Variants in RALGPS2 observed in about 807,000 individuals in gnomAD.
RALGPS2 encodes the protein ras-specific guanine nucleotide-releasing factor RalGPS2.
A neutral mutation model predicts 86.8 loss-of-function variants in RALGPS2; 43 were observed. That is an observed-to-expected ratio of 0.50 (90% CI 0.39 to 0.64). The LOEUF (loss-of-function observed/expected upper bound fraction) is 0.64, where lower values mean the gene tolerates loss of function less well. Among genes scored for constraint, RALGPS2 ranks in the 30% least tolerant of loss-of-function variants. The pLI is 0.00. For missense variants in RALGPS2, 536 were observed against 694.6 expected, an observed-to-expected ratio of 0.77 and a Z score of 2.57; for synonymous variants, 243 against 231.3, an observed-to-expected ratio of 1.05 and a Z score of -0.46.
chr1:178,818,955 C>G (rs1655363301), intron 6 of RALGPS2, among the ~76,000 whole-genome samples: 1 of 151,062 alleles, frequency 6.6e-6, no homozygotes, highest in Non-Finnish European at 1.5e-5. Flanking sequence ...GCAGAAGCTA[C>G]TAGTTCAGCA....
intron 8 of RALGPS2, among the ~76,000 whole-genome samples, chr1:178,841,377 T>C (rs1396163563): frequency 1.0e-4 from 15 of 143,222 alleles, no homozygotes; most frequent in Non-Finnish European, 1.8e-4. Flanking sequence ...ATCCAGCATA[T>C]AAACAGAGCC....
intron 4 of RALGPS2, among the ~76,000 whole-genome samples, chr1:178,789,696 A>C (rs1460662309): frequency 6.6e-6 from 1 of 152,152 alleles, no homozygotes; most frequent in African/African-American, 2.4e-5. Flanking sequence ...GGTGGTATTT[A>C]AAAGTGTGGG....
intron 1 of RALGPS2, among the ~76,000 whole-genome samples, chr1:178,736,556 A>G (rs1437463680): frequency 3.3e-5 from 5 of 152,104 alleles, no homozygotes; most frequent in South Asian, 2.1e-4. Flanking sequence ...CATCCTACCC[A>G]TTCTTTTTGC....
At chr1:178,802,862 C>T (rs906774423) in intron 4 of RALGPS2, among the ~76,000 whole-genome samples, 7 of 152,034 alleles carry the variant, frequency 4.6e-5, no homozygotes, top group African/African-American at 1.2e-4. Flanking sequence ...TATACATTCA[C>T]GCCATCCCTA....
chr1:178,758,027 T>C (rs1652041570), intron 1 of RALGPS2, among the ~76,000 whole-genome samples: 1 of 152,166 alleles, frequency 6.6e-6, no homozygotes, highest in South Asian at 2.1e-4. Context: ...GGGTTGTGAT[T>C]TTTCAGGAAT....
chr1:178,749,004 G>T (rs1042259245), intron 1 of RALGPS2, among the ~76,000 whole-genome samples: 6 of 151,950 alleles, frequency 3.9e-5, no homozygotes, highest in Non-Finnish European at 5.9e-5. Context: ...TGTTTGTTTT[G>T]TTTTTTAAAC....
intron 6 of RALGPS2, among the ~76,000 whole-genome samples, chr1:178,811,800 T>C (rs1654987237): frequency 6.6e-6 from 1 of 152,232 alleles, no homozygotes; most frequent in Non-Finnish European, 1.5e-5. Context: ...AATAAGACTT[T>C]ATTTTTAAGA....
At chr1:178,771,547 CCAGTTCTTCACACA>C (rs764389572) in intron 1 of RALGPS2, among the ~76,000 whole-genome samples, 1 of 151,738 alleles carries the variant, frequency 6.6e-6, no homozygotes, top group Non-Finnish European at 1.5e-5. Flanking sequence ...AAGGGATTGT[CCAGTTCTTCACACA>C]ATATAGTTAC....
At chr1:178,837,909 G>A (rs965961970) in intron 8 of RALGPS2, among the ~76,000 whole-genome samples, 16 of 152,160 alleles carry the variant, frequency 1.1e-4, no homozygotes, top group African/African-American at 3.4e-4. Flanking sequence ...AGGGTGCCAC[G>A]CCCACAGAGC....
intron 8 of RALGPS2, among the ~76,000 whole-genome samples, chr1:178,838,813 C>T (rs1053672483): frequency 5.3e-5 from 8 of 152,096 alleles, no homozygotes; most frequent in Non-Finnish European, 1.2e-4. Flanking sequence ...GTAGAGAAGT[C>T]CTTAAATGAC....
At chr1:178,813,845 AG>A (rs1240538618) in intron 6 of RALGPS2, among the ~76,000 whole-genome samples, 1 of 152,214 alleles carries the variant, frequency 6.6e-6, no homozygotes, top group African/African-American at 2.4e-5. Flanking sequence ...CTTGATTTGT[AG>A]ATGTTAACCG....
intron 13 of RALGPS2, among the ~76,000 whole-genome samples, chr1:178,889,034 G>T (rs1172393703): frequency 6.6e-6 from 1 of 151,796 alleles, no homozygotes; most frequent in Non-Finnish European, 1.5e-5. Context: ...TAGTTTTTTT[G>T]TTGGTTTTTT....
rs142259030 is a variant in RALGPS2, at chr1:178,741,170, A to C, written c.-84+15751A>C. Reference sequence around the variant, plus strand: ...GATAAGGTATAGGGAGTTAGAAAATATTGTCTTATACAGTGTGAATAATAA... The same window carrying C: ...GATAAGGTATAGGGAGTTAGAAAATCTTGTCTTATACAGTGTGAATAATAA... On this transcript the variant is annotated intron_variant, in intron 1 of 19. Coordinates refer to ENST00000367635, the MANE Select transcript of RALGPS2 (RefSeq NM_152663.5). Among the ~76,000 whole-genome samples the C allele has an allele frequency of 2.4e-3, 361 of 152,308 alleles. 1 individual carries two copies. Among genetic ancestry groups the C allele is most frequent in the Admixed American group, 5.6e-3 (85 of 15,302 alleles).
rs1272194382 is a variant in RALGPS2, at chr1:178,916,454, A to G, written c.*95A>G. On this transcript the variant is annotated 3_prime_UTR_variant, in exon 20 of 20. Transcript: ENST00000367635. ...AGCTATAAACCATCCTGTGCCAGGA[A>G]GAGCCCAGAGGCTCTGTCTCAGTCG... The G allele has an allele frequency of 1.7e-6, 2 of 1,195,658 alleles. No individual in the cohort carries two copies. Among genetic ancestry groups the G allele is most frequent in the Non-Finnish European group, 2.4e-6 (2 of 841,360 alleles). 74.1% of individuals were successfully genotyped at this position (1,195,658 alleles called of 1,614,324 possible). A position where few individuals can be genotyped will look rare whatever the true frequency, so the allele number is the denominator to read the frequency against.
chr1:178,850,846 T>A (rs1161819985), intron 8 of RALGPS2: 1 of 250,508 alleles, frequency 4.0e-6, no homozygotes, highest in African/African-American at 2.2e-5. Flanking sequence ...AGCTAAGATT[T>A]GCTTTACATT....
intron 4 of RALGPS2, among the ~76,000 whole-genome samples, chr1:178,801,237 C>T (rs908460394): frequency 6.6e-5 from 10 of 152,026 alleles, no homozygotes; most frequent in African/African-American, 2.4e-4. Context: ...TCCCAATCTT[C>T]TTTATGTGCA....
intron 4 of RALGPS2, among the ~76,000 whole-genome samples, chr1:178,803,818 C>T (rs989774768): frequency 6.6e-6 from 1 of 152,098 alleles, no homozygotes; most frequent in African/African-American, 2.4e-5. Context: ...TGTCATCTCT[C>T]CCCTCAGTAT....
intron 4 of RALGPS2, among the ~76,000 whole-genome samples, chr1:178,796,274 G>C (rs553067246): frequency 6.6e-6 from 1 of 152,152 alleles, no homozygotes; most frequent in Admixed American, 6.5e-5. Flanking sequence ...TTAGAAAATA[G>C]AAGGGTTTAT....
intron 6 of RALGPS2, among the ~76,000 whole-genome samples, chr1:178,818,283 C>G (rs1222312757): frequency 6.6e-6 from 1 of 152,102 alleles, no homozygotes; most frequent in Non-Finnish European, 1.5e-5. Context: ...TCACTTGAAC[C>G]TGGGAGGCAG....
Sources: allele counts gnomAD v4.1 joint callset (sites outside exome capture counted in the v4.1 genomes callset), GRCh38; gene constraint gnomAD v4.1.1; transcripts MANE v1.5; gene names NCBI Gene and HGNC (gene_info 2026-07-23, HGNC 2026-07-21).